Variants in PDE4D observed in about 807,000 individuals in gnomAD.
PDE4D encodes the protein 3',5'-cyclic-AMP phosphodiesterase 4D.
In PDE4D, 24 loss-of-function variants were observed where a neutral mutation model predicts 87.4. That is an observed-to-expected ratio of 0.27 (90% CI 0.20 to 0.39). PDE4D has a LOEUF of 0.39. Among genes scored for constraint, PDE4D ranks in the 10% least tolerant of loss-of-function variants. PDE4D has a pLI of 1.00. For synonymous variants in PDE4D, 384 were observed against 383.2 expected (o/e 1.00, Z -0.02); for missense variants, 714 against 1,041.0 (o/e 0.69, Z 4.32).
chr5:59,968,704 A>G (rs920463779), intron 3 of PDE4D, among the ~76,000 whole-genome samples: 1 of 152,194 alleles, frequency 6.6e-6, no homozygotes, highest in African/African-American at 2.4e-5. Context: ...CTAGGTTAAG[A>G]TAAAATACCT....
intron 5 of PDE4D, among the ~76,000 whole-genome samples, chr5:59,133,744 C>T (rs755612755): frequency 8.5e-5 from 13 of 152,136 alleles, no homozygotes; most frequent in African/African-American, 1.2e-4. Context: ...CCCATCCTTG[C>T]GGGCTTAGCG....
intron 1 of PDE4D, among the ~76,000 whole-genome samples, chr5:59,820,339 G>T (rs1288188654): frequency 6.6e-6 from 1 of 152,192 alleles, no homozygotes; most frequent in Admixed American, 6.5e-5. Flanking sequence ...ACTCTCCTCA[G>T]GCTATCCCCA....
intron 1 of PDE4D, among the ~76,000 whole-genome samples, chr5:60,507,740 G>T (rs1408975591): frequency 6.6e-6 from 1 of 152,162 alleles, no homozygotes; most frequent in Non-Finnish European, 1.5e-5. Context: ...GTGGTGCACA[G>T]TTAACCTCAG....
intron 1 of PDE4D, among the ~76,000 whole-genome samples, chr5:59,669,002 T>C (rs1473949628): frequency 6.6e-6 from 1 of 152,104 alleles, no homozygotes; most frequent in East Asian, 1.9e-4. Flanking sequence ...ACATGCATAT[T>C]TGGAGGACAG....
chr5:59,175,471 C>CTTTTTTTTTTTTT (rs563138575), intron 5 of PDE4D, among the ~76,000 whole-genome samples: 6 of 91,206 alleles, frequency 6.6e-5, no homozygotes, highest in African/African-American at 8.0e-5. Flanking sequence ...ATTTTTCTTT[C>CTTTTTTTTTTTTT]TTTTTTTTTT....
chr5:59,985,096 C>G (rs1203335123), intron 3 of PDE4D, among the ~76,000 whole-genome samples: 1 of 146,538 alleles, frequency 6.8e-6, no homozygotes. Context: ...AAAATGGCTA[C>G]AGAATATAAG....
chr5:59,398,415 G>T (rs1429262868), intron 1 of PDE4D, among the ~76,000 whole-genome samples: 1 of 144,582 alleles, frequency 6.9e-6, no homozygotes, highest in East Asian at 2.0e-4. Flanking sequence ...GGGATGCAAG[G>T]CTGGTTCAAT....
chr5:59,351,197 A>C (rs1215373355), intron 1 of PDE4D, among the ~76,000 whole-genome samples: 1 of 152,152 alleles, frequency 6.6e-6, no homozygotes, highest in East Asian at 1.9e-4. Context: ...ATTTATGTAC[A>C]TGGAAATGGC....
At position 59,280,472 on chromosome 5, in the gene PDE4D, CTA is replaced by C. The variant is rs1219745153; in HGVS notation, c.456-64506_456-64505del. ...TCAATACTGGATTTCAGAAGAAAAA[CTA>C]TCTAATTTAAAATTTTCTAAGTGCT... On this transcript the variant is annotated intron_variant, in intron 1 of 14. Coordinates refer to ENST00000340635, the MANE Select transcript of PDE4D (RefSeq NM_001104631.2). Among the ~76,000 whole-genome samples, 5 of 152,074 alleles carry C rather than the reference CTA, an allele frequency of 3.3e-5. No homozygotes were observed. In the East Asian group the frequency reaches 9.6e-4, roughly 29 times the overall value.
chr5:60,438,259 A>G (rs771883120), intron 1 of PDE4D, among the ~76,000 whole-genome samples: 5 of 152,064 alleles, frequency 3.3e-5, no homozygotes, highest in Non-Finnish European at 7.4e-5. Flanking sequence ...GAGGGAGAGT[A>G]AAACTAGAGC....
intron 3 of PDE4D, among the ~76,000 whole-genome samples, chr5:59,936,876 A>T (rs1442770071): frequency 3.3e-5 from 5 of 152,242 alleles, no homozygotes; most frequent in Non-Finnish European, 5.9e-5. Context: ...ATGGCTTAGA[A>T]AAAACATTTT....
intron 1 of PDE4D, among the ~76,000 whole-genome samples, chr5:59,838,785 C>T (rs1354603548): frequency 6.6e-6 from 1 of 152,028 alleles, no homozygotes; most frequent in East Asian, 1.9e-4. Flanking sequence ...GGCAAACAGT[C>T]ACATATGTTG....
intron 2 of PDE4D, among the ~76,000 whole-genome samples, chr5:60,164,656 C>A (rs989487813): frequency 6.6e-6 from 1 of 152,110 alleles, no homozygotes; most frequent in Admixed American, 6.5e-5. Flanking sequence ...ATATAGCCAA[C>A]ATGGAACTGG....
chr5:59,874,293 T>C (rs1404016257), intron 1 of PDE4D, among the ~76,000 whole-genome samples: 1 of 152,196 alleles, frequency 6.6e-6, no homozygotes, highest in African/African-American at 2.4e-5. Context: ...AACATCTCCA[T>C]GGTATTTGCA....
chr5:59,230,129 T>G (rs1287066057), intron 1 of PDE4D, among the ~76,000 whole-genome samples: 1 of 152,196 alleles, frequency 6.6e-6, no homozygotes, highest in Non-Finnish European at 1.5e-5. Flanking sequence ...ATTAGTTTTT[T>G]CTTCATTCCT....
At chr5:59,584,057 G>A (rs1316548973) in intron 1 of PDE4D, among the ~76,000 whole-genome samples, 1 of 152,226 alleles carries the variant, frequency 6.6e-6, no homozygotes, top group Non-Finnish European at 1.5e-5. Flanking sequence ...AGGATAGGGG[G>A]AGTCTTTGGA....
intron 1 of PDE4D, among the ~76,000 whole-genome samples, chr5:59,360,207 C>G (rs1177832829): frequency 6.6e-6 from 1 of 152,124 alleles, no homozygotes; most frequent in Non-Finnish European, 1.5e-5. Flanking sequence ...TCCACATAGG[C>G]ATTCAATTAC....
rs553781945 is a variant in PDE4D, at chr5:59,952,261, C to A, written c.272+36227G>T. On this transcript the variant is annotated intron_variant, in intron 3 of 16. Transcript: ENST00000502484. ...GTCTGTGGAACTGTGTCAATTAACC[C>A]TCTTTTCTTTATAAATTACCCAGTC... Among the ~76,000 whole-genome samples, 115 of 152,166 alleles carry A rather than the reference C, an allele frequency of 7.6e-4. 1 individual carries two copies. Among genetic ancestry groups the A allele is most frequent in the African/African-American group, 2.6e-3 (106 of 41,504 alleles).
chr5:60,474,288 A>G (rs961069411), intron 1 of PDE4D, among the ~76,000 whole-genome samples: 7 of 151,444 alleles, frequency 4.6e-5, no homozygotes, highest in Non-Finnish European at 8.8e-5. Flanking sequence ...AGCACCTTCT[A>G]TGTGTCCTCA....
Sources: gnomAD v4.1 joint callset for allele counts (sites outside exome capture counted in the v4.1 genomes callset) on GRCh38, gnomAD v4.1.1 for gene constraint, MANE v1.5 for transcripts, NCBI Gene and HGNC (gene_info 2026-07-23, HGNC 2026-07-21) for gene names.